PCDH15: variants seen among roughly 807,000 people sequenced by gnomAD.
PCDH15 encodes the protein protocadherin-15.
A neutral mutation model predicts 178.5 loss-of-function variants in PCDH15; 129 were observed. The ratio of observed to expected loss-of-function variants is 0.72; its 90% CI spans 0.63 to 0.84. The LOEUF is 0.84. Ranked by LOEUF, PCDH15 falls within the 40% of genes least tolerant of loss-of-function variation. The probability of loss-of-function intolerance (pLI) is 0.00; values close to 1 mark genes in which losing one functional copy is unlikely to be tolerated. For missense variants in PCDH15, 2,230 were observed against 2,099.9 expected (o/e 1.06, Z -1.21); for synonymous variants, 800 against 732.0 (o/e 1.09, Z -1.50).
chr10:55,531,233 A>G (rs1354992689), intron 2 of PCDH15, among the ~76,000 whole-genome samples: 1 of 151,952 alleles, frequency 6.6e-6, no homozygotes, highest in African/African-American at 2.4e-5. Flanking sequence ...TATCTTCCTC[A>G]TTGCTACCTT....
intron 2 of PCDH15, among the ~76,000 whole-genome samples, chr10:55,053,920 C>T (rs1035802480): frequency 6.6e-6 from 1 of 152,090 alleles, no homozygotes; most frequent in Non-Finnish European, 1.5e-5. Context: ...CCCTTAATGG[C>T]CATTAGAGAA....
At chr10:54,023,447 C>T (rs2092989789) in intron 18 of PCDH15, among the ~76,000 whole-genome samples, 2 of 150,486 alleles carry the variant, frequency 1.3e-5, no homozygotes, top group Admixed American at 6.6e-5. Context: ...TATGTTATGA[C>T]AGAAAACTCA....
At chr10:55,028,037 C>T (rs1840519142) in intron 2 of PCDH15, among the ~76,000 whole-genome samples, 1 of 151,790 alleles carries the variant, frequency 6.6e-6, no homozygotes, top group Admixed American at 6.6e-5. Flanking sequence ...AAACCTCAAG[C>T]AAAGGTCAAT....
intron 29 of PCDH15, among the ~76,000 whole-genome samples, chr10:53,839,084 G>C (rs187582914): frequency 0.039 from 5,830 of 151,220 alleles, 364 homozygotes; most frequent in African/African-American, 0.13. Context: ...GGCGCCTGTA[G>C]TCCTAGCTTC....
At chr10:53,877,059 T>A (rs1033828429) in intron 26 of PCDH15, among the ~76,000 whole-genome samples, 1 of 152,092 alleles carries the variant, frequency 6.6e-6, no homozygotes, top group African/African-American at 2.4e-5. Context: ...TTTATTATTT[T>A]AAAAAATTAT....
intron 18 of PCDH15, among the ~76,000 whole-genome samples, chr10:54,050,610 G>GT (rs769778523): frequency 5.5e-4 from 84 of 151,534 alleles, no homozygotes; most frequent in Middle Eastern, 3.4e-3. Flanking sequence ...GACATAAGGG[G>GT]TTTTGTTTGT....
At chr10:55,289,374 A>T (rs1842952975) in intron 1 of PCDH15, among the ~76,000 whole-genome samples, 1 of 151,954 alleles carries the variant, frequency 6.6e-6, no homozygotes, top group African/African-American at 2.4e-5. Context: ...AAGGGAAAAA[A>T]GAAAGAAAGA....
chr10:55,033,759 G>A (rs1922162), intron 2 of PCDH15, among the ~76,000 whole-genome samples: 86,470 of 151,914 alleles, frequency 0.57, 24,947 homozygotes, highest in East Asian at 0.75. Flanking sequence ...TTTAATGTGA[G>A]AAAATCATGA....
chr10:54,351,690 C>CATT (rs1944206273), intron 5 of PCDH15, among the ~76,000 whole-genome samples: 1 of 152,176 alleles, frequency 6.6e-6, no homozygotes, highest in Admixed American at 6.5e-5. Flanking sequence ...TCCACCCATT[C>CATT]ATTATGCTGT....
In PCDH15 at chr10:54,201,588, A is replaced by G. The variant is rs115688841; in HGVS notation, c.1099-5699T>C. Reference sequence around the variant, plus strand: ...ATGTATCAGTTTCATTCACTGCTAAAATTTCGGACAATCCCTGGTATATGG... The same window carrying G: ...ATGTATCAGTTTCATTCACTGCTAAGATTTCGGACAATCCCTGGTATATGG... On this transcript the variant is annotated intron_variant, in intron 10 of 37. Transcript: ENST00000644397. Among the ~76,000 whole-genome samples, 255 of 152,196 alleles carry G rather than the reference A, an allele frequency of 1.7e-3. 1 individual carries two copies. The highest frequency in any genetic ancestry group is 5.5e-3 in the African/African-American group (227 of 41,546).
At chr10:54,502,097 C>T (rs929924871) in intron 3 of PCDH15, among the ~76,000 whole-genome samples, 2 of 151,940 alleles carry the variant, frequency 1.3e-5, no homozygotes, top group Non-Finnish European at 2.9e-5. Context: ...CCACTCCCTT[C>T]TTCTGGCTAA....
At chr10:55,508,995 C>T (rs1385063093) in intron 2 of PCDH15, among the ~76,000 whole-genome samples, 1 of 151,584 alleles carries the variant, frequency 6.6e-6, no homozygotes, top group Non-Finnish European at 1.5e-5. Context: ...TATTTCATAA[C>T]ACAAAAGCTG....
chr10:55,483,922 G>GGT (rs1840240558), intron 2 of PCDH15, among the ~76,000 whole-genome samples: 1 of 151,542 alleles, frequency 6.6e-6, no homozygotes, highest in Admixed American at 6.6e-5. Flanking sequence ...ATCAATGATT[G>GGT]ACTGGATAAA....
At chr10:55,395,208 A>T (rs1047636421) in intron 2 of PCDH15, among the ~76,000 whole-genome samples, 2,908 of 111,236 alleles carry the variant, frequency 0.026, 27 homozygotes, top group South Asian at 0.049. Context: ...AGAGAGAGAG[A>T]GAGAGAGAGA....
intron 2 of PCDH15, among the ~76,000 whole-genome samples, chr10:54,653,465 A>T (rs2094308339): frequency 6.6e-6 from 1 of 152,194 alleles, no homozygotes; most frequent in African/African-American, 2.4e-5. Flanking sequence ...ACCACATTCT[A>T]CTGCTTCTCA....
chr10:54,494,085 G>A (rs1375997895), intron 3 of PCDH15, among the ~76,000 whole-genome samples: 1 of 147,334 alleles, frequency 6.8e-6, no homozygotes, highest in Non-Finnish European at 1.5e-5. Context: ...GGGGATTGTT[G>A]TGGGGTAGGG....
intron 3 of PCDH15, among the ~76,000 whole-genome samples, chr10:54,379,342 A>G (rs1465825644): frequency 6.6e-6 from 1 of 152,150 alleles, no homozygotes; most frequent in Non-Finnish European, 1.5e-5. Context: ...TGAAAAAAAG[A>G]TATTGTGAAA....
intron 1 of PCDH15, among the ~76,000 whole-genome samples, chr10:55,296,324 T>C (rs977893232): frequency 1.3e-5 from 2 of 152,142 alleles, no homozygotes; most frequent in Non-Finnish European, 2.9e-5. Flanking sequence ...TCCCTGGAGA[T>C]TGAAGGATGG....
At chr10:54,815,637 G>A (rs1352532123) in intron 3 of PCDH15, among the ~76,000 whole-genome samples, 2 of 152,074 alleles carry the variant, frequency 1.3e-5, no homozygotes, top group East Asian at 1.9e-4. Flanking sequence ...TACCCAAACC[G>A]TGAATAACAC....
Sources: allele counts gnomAD v4.1 joint callset (sites outside exome capture counted in the v4.1 genomes callset), GRCh38; gene constraint gnomAD v4.1.1; transcripts MANE v1.5; gene names NCBI Gene and HGNC (gene_info 2026-07-23, HGNC 2026-07-21).